RBP7: variants seen among roughly 807,000 people sequenced by gnomAD.
The protein encoded by RBP7 is retinol binding protein 7.
RBP7 carries 13 observed loss-of-function variants against 16.7 expected under a neutral mutation model. The ratio of observed to expected loss-of-function variants is 0.78; its 90% confidence interval spans 0.51 to 1.24. The LOEUF is 1.24. RBP7 is among the 50% of genes most tolerant of loss of function. The probability of loss-of-function intolerance (pLI) is 0.00; values close to 1 mark genes in which losing one functional copy is unlikely to be tolerated. For synonymous variants in RBP7, 54 were observed against 56.2 expected, an observed-to-expected ratio of 0.96 and a Z score of 0.17; for missense variants, 145 against 159.5, an observed-to-expected ratio of 0.91 and a Z score of 0.49.
intron 3 of RBP7, among the ~76,000 whole-genome samples, chr1:10,010,228 G>C (rs1036948880): frequency 6.6e-6 from 1 of 152,080 alleles, no homozygotes; most frequent in Non-Finnish European, 1.5e-5. Flanking sequence ...CAATTCTCCT[G>C]TCTCAGCCTC....
At chr1:10,009,704 G>A (rs527739200) in intron 3 of RBP7, among the ~76,000 whole-genome samples, 1 of 151,212 alleles carries the variant, frequency 6.6e-6, no homozygotes, top group East Asian at 2.0e-4. Flanking sequence ...GCTAGTTTTT[G>A]TATTTTTAGC....
rs1208043288 is a variant in RBP7, at chr1:9,997,387, G to A, written c.73+56G>A. 62 of 1,555,546 alleles carry A rather than the reference G, an allele frequency of 4.0e-5. No individual in the cohort carries two copies. The highest frequency in any genetic ancestry group is 5.0e-5 in the Non-Finnish European group (57 of 1,132,436). ...AGGCTCGCCGTGGGTCTCGGGATCA[G>A]GCGAAGGCGGCCGGGCCGGGCCTGT... is the stretch of plus-strand genomic sequence containing the variant. On this transcript the variant is annotated intron_variant, in intron 1 of 3. Transcript: ENST00000294435. This position sits in a 1 kb window ranked among gnomAD's most constrained non-coding sequence, Gnocchi z 5.9.
At chr1:10,004,502 A>AGGG (rs1311609903) in intron 1 of RBP7, among the ~76,000 whole-genome samples, 6 of 151,432 alleles carry the variant, frequency 4.0e-5, no homozygotes, top group African/African-American at 1.5e-4. Flanking sequence ...CAGCCTCTGG[A>AGGG]GTAGCTGGGA....
Position 10,004,956 on chromosome 1 carries a change from G to A in RBP7, c.74-2614G>A, listed in dbSNP as rs546010023. Among the ~76,000 whole-genome samples the A allele has an allele frequency of 2.6e-5, 4 of 152,174 alleles. 1 individual carries two copies. In the South Asian group the frequency reaches 8.3e-4, roughly 32 times the overall value. On this transcript the variant is annotated intron_variant, in intron 1 of 3. Transcript: ENST00000294435. ...TGCAGTGAGCCGAGATTGCACCACT[G>A]CAGTCCAGCCTGGGCAACAGAATGA...
At chr1:10,012,258 G>A (rs1642644480) in intron 3 of RBP7, among the ~76,000 whole-genome samples, 1 of 148,412 alleles carries the variant, frequency 6.7e-6, no homozygotes, top group Non-Finnish European at 1.5e-5. Flanking sequence ...GCAGGCACCT[G>A]TAATCCCAGC....
chr1:10,015,854 C>T lies in RBP7; in HGVS notation c.*22C>T, dbSNP rs41280784. On this transcript the variant is annotated 3_prime_UTR_variant, in exon 4 of 4. Transcript: ENST00000294435. ...CTGATCCACATCCAGCAGCAGAGCC[C>T]ACTTGTGGCTGCAGCTTTATGCCAA... 8,831 of 1,611,180 alleles carry T rather than the reference C, an allele frequency of 5.5e-3. 33 individuals are homozygous for T. The highest frequency in any genetic ancestry group is 6.4e-3 in the African/African-American group (479 of 74,966).
intron 3 of RBP7, among the ~76,000 whole-genome samples, chr1:10,011,854 C>T (rs575334763): frequency 4.0e-4 from 61 of 152,030 alleles, no homozygotes; most frequent in African/African-American, 1.4e-3. Flanking sequence ...GTCAGGAGTT[C>T]GAGACCAGCC....
At chr1:10,012,788 G>A (rs574726429) in intron 3 of RBP7, among the ~76,000 whole-genome samples, 1 of 151,434 alleles carries the variant, frequency 6.6e-6, no homozygotes, top group South Asian at 2.1e-4. Context: ...ACAAAAATTA[G>A]CCTGGTGTGG....
intron 3 of RBP7, among the ~76,000 whole-genome samples, chr1:10,008,543 C>T (rs1037676595): frequency 6.6e-6 from 1 of 151,168 alleles, no homozygotes; most frequent in Non-Finnish European, 1.5e-5. Context: ...TGGGTCCAAG[C>T]GATTCTCCTG....
rs1446101387 is a variant in RBP7, at chr1:9,997,407, G to T, written c.73+76G>T. The T allele has an allele frequency of 2.9e-5, 42 of 1,427,702 alleles. No individual in the cohort carries two copies. Among genetic ancestry groups the T allele is most frequent in the Non-Finnish European group, 3.7e-5 (38 of 1,020,154 alleles). 88.4% of individuals were successfully genotyped at this position (1,427,702 alleles called of 1,614,324 possible). ...GATCAGGCGAAGGCGGCCGGGCCGG[G>T]CCTGTAGGTACGTCCTCTGTCCGTG... On this transcript the variant is annotated intron_variant, in intron 1 of 3. Transcript: ENST00000294435. The surrounding 1 kb of genome is among the most constrained non-coding windows in gnomAD (Gnocchi z 5.9).
chr1:10,013,818 T>TA (rs1403275583), intron 3 of RBP7, among the ~76,000 whole-genome samples: 4 of 150,724 alleles, frequency 2.7e-5, no homozygotes, highest in Non-Finnish European at 4.4e-5. Flanking sequence ...CGCAAAAAAT[T>TA]AAAAAAAATT....
intron 1 of RBP7, among the ~76,000 whole-genome samples, chr1:9,998,407 CTTTTTT>C (rs772810621): frequency 8.2e-6 from 1 of 121,588 alleles, no homozygotes; most frequent in African/African-American, 3.3e-5. Flanking sequence ...TTCTTTCTTT[CTTTTTT>C]TTTTTTTTTT....
At chr1:10,014,075 G>C (rs1642705088) in intron 3 of RBP7, among the ~76,000 whole-genome samples, 1 of 152,140 alleles carries the variant, frequency 6.6e-6, no homozygotes, top group Admixed American at 6.6e-5. Flanking sequence ...ATAGCTTCAG[G>C]ATGGGGGATG....
chr1:10,009,960 C>T (rs571642951), intron 3 of RBP7, among the ~76,000 whole-genome samples: 4 of 151,816 alleles, frequency 2.6e-5, no homozygotes, highest in South Asian at 4.2e-4. Context: ...ACTTTATGTA[C>T]CAAAAAATGC....
intron 1 of RBP7, among the ~76,000 whole-genome samples, chr1:10,003,562 C>T (rs952791351): frequency 3.3e-5 from 5 of 152,170 alleles, no homozygotes; most frequent in East Asian, 3.9e-4. Context: ...CTCTTTTCTG[C>T]GGGAGCAGTC....
chr1:10,005,933 C>A (rs933439707), intron 1 of RBP7, among the ~76,000 whole-genome samples: 1 of 152,116 alleles, frequency 6.6e-6, no homozygotes, highest in Non-Finnish European at 1.5e-5. Context: ...ATACACTAGG[C>A]TCCTCAGAGT....
At chr1:10,006,973 G>A (rs778852662) in intron 1 of RBP7, 30 of 436,426 alleles carry the variant, frequency 6.9e-5, no homozygotes, top group African/African-American at 5.6e-4. Flanking sequence ...TTGAGATGGA[G>A]TCTCGCTCTG....
intron 2 of RBP7, 47 bp from the exon 3 acceptor site, chr1:10,008,126 G>C (rs1168406452): frequency 8.0e-7 from 1 of 1,247,470 alleles, no homozygotes; most frequent in Admixed American, 1.7e-5. Flanking sequence ...CGTAACACTT[G>C]AGGATCCTGC....
At chr1:9,998,116 G>C (rs2101729920) in intron 1 of RBP7, among the ~76,000 whole-genome samples, 1 of 152,320 alleles carries the variant, frequency 6.6e-6, no homozygotes, top group South Asian at 2.1e-4. Flanking sequence ...AGCCTTCCAA[G>C]TAGCTGGGAT....
Sources: gnomAD v4.1 joint callset for allele counts (sites outside exome capture counted in the v4.1 genomes callset) on GRCh38, gnomAD v4.1.1 for gene constraint, Gnocchi (gnomAD v3.1) non-coding constraint, MANE v1.5 for transcripts, NCBI Gene and HGNC (gene_info 2026-07-23, HGNC 2026-07-21) for gene names.